Variants in FGF14 observed in about 807,000 individuals in gnomAD.
FGF14 encodes fibroblast growth factor homologous factor 4.
In FGF14, 5 loss-of-function variants were observed where a neutral mutation model predicts 25.5. That is an observed-to-expected ratio of 0.20 (90% confidence interval 0.10 to 0.41). FGF14 has a LOEUF of 0.41. FGF14 is among the 10% of genes least tolerant of loss of function. The pLI is 1.00. For synonymous variants in FGF14, 138 were observed against 118.3 expected (o/e 1.17, Z -1.08); for missense variants, 222 against 320.1 (o/e 0.69, Z 2.34).
chr13:102,153,776 T>C (rs2047193131), intron 1 of FGF14, among the ~76,000 whole-genome samples: 1 of 152,186 alleles, frequency 6.6e-6, no homozygotes. Context: ...CTATTCTCTC[T>C]AGTTGGAAAT....
chr13:102,018,272 ACAC>A (rs1466261032), intron 1 of FGF14, among the ~76,000 whole-genome samples: 1 of 152,074 alleles, frequency 6.6e-6, no homozygotes. Flanking sequence ...TGGGTTTTGT[ACAC>A]CACCTGGTGT....
chr13:101,988,724 G>A (rs952128449), intron 1 of FGF14, among the ~76,000 whole-genome samples: 11 of 123,780 alleles, frequency 8.9e-5, no homozygotes, highest in Admixed American at 5.2e-4. Flanking sequence ...GGGGGAGGGG[G>A]GAGGGATAGC....
intron 1 of FGF14, among the ~76,000 whole-genome samples, chr13:102,185,440 T>C (rs2048839487): frequency 6.6e-6 from 1 of 152,198 alleles, no homozygotes; most frequent in South Asian, 2.1e-4. Context: ...TTTCTTCCTC[T>C]ATTACTTGAC....
intron 1 of FGF14, among the ~76,000 whole-genome samples, chr13:101,997,607 A>G (rs892687461): frequency 3.9e-5 from 6 of 152,210 alleles, no homozygotes; most frequent in African/African-American, 1.2e-4. Flanking sequence ...GGCCAGGTCC[A>G]AAAATTTACT....
chr13:101,783,694 A>C (rs2039649239), intron 3 of FGF14, among the ~76,000 whole-genome samples: 1 of 152,104 alleles, frequency 6.6e-6, no homozygotes, highest in Non-Finnish European at 1.5e-5. Context: ...CCTATTTGTC[A>C]ATCTTTGCTT....
intron 1 of FGF14, among the ~76,000 whole-genome samples, chr13:102,106,669 C>G (rs1397457089): frequency 6.6e-6 from 1 of 151,876 alleles, no homozygotes; most frequent in Non-Finnish European, 1.5e-5. Flanking sequence ...AACTGAAAAG[C>G]CTTTACCCCC....
chr13:101,923,052 G>A (rs1392874215), intron 1 of FGF14, among the ~76,000 whole-genome samples: 1 of 151,920 alleles, frequency 6.6e-6, no homozygotes, highest in African/African-American at 2.4e-5. Context: ...TTCGATGAAA[G>A]AAATAAAAAC....
chr13:101,767,164 G>T (rs926692905), intron 3 of FGF14, among the ~76,000 whole-genome samples: 3 of 151,994 alleles, frequency 2.0e-5, no homozygotes, highest in African/African-American at 7.2e-5. Flanking sequence ...TTTTTTTCTA[G>T]CCACGTATGT....
intron 1 of FGF14, among the ~76,000 whole-genome samples, chr13:102,082,068 C>A (rs1004854826): frequency 6.6e-6 from 1 of 152,100 alleles, no homozygotes; most frequent in African/African-American, 2.4e-5. Context: ...TCTGACATTA[C>A]TATACAGGAG....
Position 101,799,840 on chromosome 13 carries a change from AGGACAC to A in FGF14, c.408+68879_408+68884del, listed in dbSNP as rs533233900. ...TCAAAATGAACAACTCAAGGGGAAA[AGGACAC>A]CGAAAAATAGTCTTCAGAATTGTCC... On this transcript the variant is annotated intron_variant, in intron 3 of 4. Coordinates refer to ENST00000376143, the MANE Select transcript of FGF14 (RefSeq NM_004115.4). Among the ~76,000 whole-genome samples, 1,513 of 152,226 alleles carry A rather than the reference AGGACAC, an allele frequency of 9.9e-3. 58 individuals carry two copies. The East Asian group carries it at 0.13, about 13-fold the overall frequency.
intron 1 of FGF14, among the ~76,000 whole-genome samples, chr13:102,389,296 T>C (rs1452383215): frequency 6.6e-6 from 1 of 152,202 alleles, no homozygotes; most frequent in East Asian, 1.9e-4. Context: ...ACTTAATAAA[T>C]GCAGATAAGT....
At chr13:101,875,670 GA>G (rs1566359509) in intron 1 of FGF14, among the ~76,000 whole-genome samples, 1 of 152,030 alleles carries the variant, frequency 6.6e-6, no homozygotes, top group Non-Finnish European at 1.5e-5. Context: ...GTGACTCTCA[GA>G]AATTTTATTA....
chr13:101,974,791 G>A (rs112835709), intron 1 of FGF14, among the ~76,000 whole-genome samples: 4 of 152,204 alleles, frequency 2.6e-5, no homozygotes, highest in African/African-American at 9.6e-5. Flanking sequence ...TGGATAATAC[G>A]CAAAATCAAA....
intron 3 of FGF14, among the ~76,000 whole-genome samples, chr13:101,840,077 A>G (rs1181842278): frequency 1.3e-5 from 2 of 152,028 alleles, no homozygotes; most frequent in Non-Finnish European, 2.9e-5. Flanking sequence ...TTCTTGGCAA[A>G]TGAGAAATAA....
At chr13:102,114,513 A>T (rs925100653) in intron 1 of FGF14, among the ~76,000 whole-genome samples, 8 of 152,300 alleles carry the variant, frequency 5.3e-5, no homozygotes, top group African/African-American at 1.9e-4. Context: ...CTGCATTGTT[A>T]TGTTCATTGC....
At chr13:101,953,475 T>A (rs1413961359) in intron 1 of FGF14, among the ~76,000 whole-genome samples, 3 of 151,932 alleles carry the variant, frequency 2.0e-5, no homozygotes, top group Non-Finnish European at 4.4e-5. Flanking sequence ...TATTCACTCC[T>A]GGACCACTCT....
chr13:101,818,503 C>G (rs2041951320), intron 3 of FGF14, among the ~76,000 whole-genome samples: 1 of 152,184 alleles, frequency 6.6e-6, no homozygotes, highest in South Asian at 2.1e-4. Flanking sequence ...CTATAGTCAA[C>G]TGAAGCCAGA....
At position 102,190,824 on chromosome 13, in the gene FGF14, A is replaced by C. The variant is rs146049071; in HGVS notation, c.208+210647T>G. The stretch of plus-strand genomic sequence containing the variant: ...TCAACTAACCAACAGAGAAATTCAA[A>C]GATTCTTTATTAAAGAAAAAACAGC... On this transcript the variant is annotated intron_variant, in intron 1 of 4. Coordinates refer to the FGF14 transcript ENST00000376131. Among the ~76,000 whole-genome samples, 383 of 152,296 alleles carry C rather than the reference A, an allele frequency of 2.5e-3. 1 individual carries two copies. Among genetic ancestry groups the C allele is most frequent in the Non-Finnish European group, 3.9e-3 (268 of 68,022 alleles).
chr13:101,948,100 G>A (rs73567869), intron 1 of FGF14, among the ~76,000 whole-genome samples: 7,586 of 152,264 alleles, frequency 0.05, 634 homozygotes, highest in African/African-American at 0.17. Context: ...TAGCGTTGTA[G>A]TCAAAAGATG....
Sources: allele counts gnomAD v4.1 joint callset (sites outside exome capture counted in the v4.1 genomes callset), GRCh38; gene constraint gnomAD v4.1.1; transcripts MANE v1.5; gene names NCBI Gene and HGNC (gene_info 2026-07-23, HGNC 2026-07-21).